Variants in NOS1AP observed in about 807,000 individuals in gnomAD.
NOS1AP encodes carboxyl-terminal PDZ ligand of neuronal nitric oxide synthase protein.
In NOS1AP, 21 loss-of-function variants were observed where a neutral mutation model predicts 56.2. The ratio of observed to expected loss-of-function variants is 0.37; its 90% CI spans 0.26 to 0.54. The LOEUF (loss-of-function observed/expected upper bound fraction) is 0.54. Among genes scored for constraint, NOS1AP ranks in the 20% least tolerant of loss-of-function variants. The probability of loss-of-function intolerance (pLI) is 0.84; values close to 1 mark genes in which losing one functional copy is unlikely to be tolerated. For synonymous variants in NOS1AP, 270 were observed against 274.6 expected (o/e 0.98, Z 0.17); for missense variants, 522 against 657.8 (o/e 0.79, Z 2.26).
intron 3 of NOS1AP, 48 bp downstream of exon 3, chr1:162,287,484 G>T (rs116539387): frequency 1.6e-6 from 2 of 1,237,708 alleles, no homozygotes; most frequent in African/African-American, 1.5e-5. Context: ...AAGCAGGGGA[G>T]GTAGGCATGG....
At chr1:162,261,990 A>G (rs1353565898) in intron 2 of NOS1AP, among the ~76,000 whole-genome samples, 2 of 152,196 alleles carry the variant, frequency 1.3e-5, no homozygotes, top group Non-Finnish European at 2.9e-5. Flanking sequence ...TTACAGAATG[A>G]ATGCATGTCT....
At chr1:162,364,923 G>A (rs1391390828) in intron 8 of NOS1AP, 11 of 1,018,882 alleles carry the variant, frequency 1.1e-5, no homozygotes, top group Non-Finnish European at 1.3e-5. Flanking sequence ...ACTGTTCTTA[G>A]CCAGTGGGTC....
intron 2 of NOS1AP, among the ~76,000 whole-genome samples, chr1:162,155,456 T>TAGAG (rs1159295218): frequency 7.1e-6 from 1 of 141,276 alleles, no homozygotes; most frequent in Admixed American, 7.2e-5. Context: ...TATATATATA[T>TAGAG]AGAGAGAGAG....
intron 4 of NOS1AP, among the ~76,000 whole-genome samples, chr1:162,304,164 TCTC>T (rs1448936628): frequency 6.6e-6 from 1 of 152,108 alleles, no homozygotes; most frequent in African/African-American, 2.4e-5. Flanking sequence ...AGATTAAAGT[TCTC>T]CTTCTCCTCC....
At chr1:162,360,760 C>T in intron 8 of NOS1AP, 1 of 455,590 alleles carries the variant, frequency 2.2e-6, no homozygotes. Flanking sequence ...TGCCCAAGTC[C>T]CTGCCATGTG....
At chr1:162,324,049 A>T (rs1656502249) in intron 4 of NOS1AP, among the ~76,000 whole-genome samples, 1 of 152,196 alleles carries the variant, frequency 6.6e-6, no homozygotes, top group African/African-American at 2.4e-5. Flanking sequence ...TTTCTAGATG[A>T]TGCTCCTCCA....
chr1:162,292,200 A>G (rs1655301627), intron 3 of NOS1AP, among the ~76,000 whole-genome samples: 1 of 152,238 alleles, frequency 6.6e-6, no homozygotes, highest in Non-Finnish European at 1.5e-5. Flanking sequence ...GTATGCACAC[A>G]TAGGTCTATT....
intron 2 of NOS1AP, among the ~76,000 whole-genome samples, chr1:162,276,790 C>T (rs1165016529): frequency 6.6e-6 from 1 of 152,168 alleles, no homozygotes; most frequent in Non-Finnish European, 1.5e-5. Context: ...GTATTGGTTA[C>T]TGTATTTATA....
intron 8 of NOS1AP, chr1:162,360,943 G>A (rs1212194324): frequency 1.3e-5 from 6 of 456,552 alleles, no homozygotes; most frequent in Non-Finnish European, 2.2e-5. Flanking sequence ...GCTGGAGAGT[G>A]AGGGCGCCAA....
chr1:162,118,530 T>TA (rs1189414696), intron 1 of NOS1AP, among the ~76,000 whole-genome samples: 1 of 152,148 alleles, frequency 6.6e-6, no homozygotes, highest in Non-Finnish European at 1.5e-5. Flanking sequence ...CTAATGTGAA[T>TA]AGCACTGCAG....
chr1:162,076,720 C>T lies in NOS1AP; in HGVS notation c.105+6438C>T, dbSNP rs917266505. On this transcript the variant is annotated intron_variant, in intron 1 of 9. Transcript: ENST00000361897. Reference sequence around the variant, plus strand: ...ATCTCTACTAAAAATACAAAATTAGCTGGGCATGATGGCACACACCTGTAA... The same window carrying T: ...ATCTCTACTAAAAATACAAAATTAGTTGGGCATGATGGCACACACCTGTAA... Among the ~76,000 whole-genome samples the T allele has an allele frequency of 4.7e-4, 71 of 152,134 alleles. 1 individual carries two copies. Among genetic ancestry groups the T allele is most frequent in the Admixed American group, 4.7e-3 (71 of 15,264 alleles).
chr1:162,355,190 G>A lies in NOS1AP; in HGVS notation c.599G>A (p.Arg200His), dbSNP rs745870190. Residue 200 changes from arginine (R) to histidine (H), a missense_variant, in exon 7 of 10, where the codon CGC becomes CAC. Around this residue, in one of 4 missense-constraint regions of NOS1AP, gnomAD observed 178 missense variants for 165.0 expected, o/e 1.08. Coordinates refer to ENST00000361897, the MANE Select transcript of NOS1AP (RefSeq NM_014697.3). ...RNSNSSGDPG[R>H]QLTGAERAST... is the part of the protein sequence containing the mutation. ...CCCTCCCCTGTTGTTCCTGCAGGCCGCCAGCTCACTGGAGCCGAGAGGGCC... is the reference window on the plus strand; with the variant it reads ...CCCTCCCCTGTTGTTCCTGCAGGCCACCAGCTCACTGGAGCCGAGAGGGCC... The A allele has an allele frequency of 2.5e-6, 4 of 1,614,068 alleles. No homozygotes were observed. The highest frequency in any genetic ancestry group is 2.2e-5 in the East Asian group (1 of 44,884).
At chr1:162,111,364 C>G (rs1389425745) in intron 1 of NOS1AP, among the ~76,000 whole-genome samples, 3 of 152,192 alleles carry the variant, frequency 2.0e-5, no homozygotes, top group Non-Finnish European at 4.4e-5. Context: ...GGATAGAGCT[C>G]CCCACATCCT....
chr1:162,170,504 GA>G (rs1650717359), intron 2 of NOS1AP, among the ~76,000 whole-genome samples: 1 of 152,270 alleles, frequency 6.6e-6, no homozygotes, highest in African/African-American at 2.4e-5. Flanking sequence ...TATCTATCAA[GA>G]AAAGTTGTAC....
intron 8 of NOS1AP, chr1:162,362,964 A>G (rs748879654): frequency 3.1e-6 from 3 of 952,470 alleles, no homozygotes; most frequent in Non-Finnish European, 3.8e-6. Flanking sequence ...TCTTCCTGCT[A>G]TACTGTCACA....
chr1:162,273,237 C>T (rs934583191), intron 2 of NOS1AP, among the ~76,000 whole-genome samples: 6 of 146,956 alleles, frequency 4.1e-5, no homozygotes, highest in Non-Finnish European at 8.9e-5. Context: ...GATCTCGGCT[C>T]ACTGCAAGCT....
At chr1:162,272,045 G>A (rs1352930658) in intron 2 of NOS1AP, among the ~76,000 whole-genome samples, 1 of 151,996 alleles carries the variant, frequency 6.6e-6, no homozygotes, top group East Asian at 1.9e-4. Context: ...TAGACACAGG[G>A]TCTCACTATA....
intron 2 of NOS1AP, among the ~76,000 whole-genome samples, chr1:162,265,198 A>G (rs1420910687): frequency 6.7e-6 from 1 of 149,976 alleles, no homozygotes; most frequent in Non-Finnish European, 1.5e-5. Context: ...TGACTATGTT[A>G]CTTCTCCCTA....
intron 1 of NOS1AP, among the ~76,000 whole-genome samples, chr1:162,140,210 C>T (rs114966963): frequency 0.02 from 3,001 of 152,284 alleles, 101 homozygotes; most frequent in African/African-American, 0.068. Flanking sequence ...TTCTCATCCA[C>T]AACTACTTTC....
Sources: allele counts gnomAD v4.1 joint callset (sites outside exome capture counted in the v4.1 genomes callset), GRCh38; gene constraint gnomAD v4.1.1; regional missense constraint gnomAD v4.1.1; transcripts MANE v1.5; gene names NCBI Gene and HGNC (gene_info 2026-07-23, HGNC 2026-07-21).